The following FAT3 variants were observed in gnomAD, a reference collection of about 807,000 sequenced individuals.
FAT3 encodes the protein protocadherin Fat 3.
FAT3 carries 95 observed loss-of-function variants against 310.2 expected under a neutral mutation model. The observed-to-expected ratio is 0.31, with a 90% CI of 0.26 to 0.36. The LOEUF (loss-of-function observed/expected upper bound fraction) is 0.36. FAT3 is among the 10% of genes least tolerant of loss of function. FAT3 has a pLI of 1.00. For synonymous variants in FAT3, 2,314 were observed against 2,192.9 expected (o/e 1.06, Z -1.54); for missense variants, 5,408 against 5,715.6 (o/e 0.95, Z 1.74).
intron 2 of FAT3, among the ~76,000 whole-genome samples, chr11:92,356,248 G>C (rs1324716492): frequency 6.6e-6 from 1 of 152,110 alleles, no homozygotes; most frequent in Non-Finnish European, 1.5e-5. Context: ...TGTTAGCACT[G>C]TGCATTTTTC....
intron 6 of FAT3, among the ~76,000 whole-genome samples, chr11:92,767,624 A>G (rs867620435): frequency 1.3e-5 from 2 of 151,986 alleles, no homozygotes; most frequent in South Asian, 4.2e-4. Context: ...TCATTCCTGC[A>G]TGTGTGTGTG....
intron 2 of FAT3, among the ~76,000 whole-genome samples, chr11:92,523,753 G>C (rs1953760782): frequency 6.6e-6 from 1 of 152,152 alleles, no homozygotes; most frequent in Admixed American, 6.5e-5. Context: ...ATGGGCTCAT[G>C]ATCCTGTCCC....
chr11:92,440,512 C>G (rs1396936625), intron 2 of FAT3, among the ~76,000 whole-genome samples: 2 of 152,108 alleles, frequency 1.3e-5, no homozygotes, highest in East Asian at 3.9e-4. Flanking sequence ...GCTTCTGTGG[C>G]TAGAATTGCA....
intron 1 of FAT3, among the ~76,000 whole-genome samples, chr11:92,306,698 G>T (rs1394853230): frequency 6.9e-5 from 8 of 115,702 alleles, no homozygotes; most frequent in African/African-American, 2.3e-4. Flanking sequence ...CTTGGAAGAG[G>T]CTCATAAATA....
rs1025785069 is a variant in FAT3, at chr11:92,245,799, A to G, written c.-18+20625A>G. On this transcript the variant is annotated intron_variant, in intron 1 of 27. Transcript: ENST00000525166. ...TTTGGCCAGTGAGCTGTAGTTTGCA[A>G]CCCCTGCTTTAGAGTAAGAAAAGAT... Among the ~76,000 whole-genome samples, 5 of 152,048 alleles carry G rather than the reference A, an allele frequency of 3.3e-5. No homozygotes were observed. In the South Asian group the frequency reaches 1.0e-3, roughly 32 times the overall value.
chr11:92,525,112 G>A (rs190434332), intron 3 of FAT3, among the ~76,000 whole-genome samples, 164 bp downstream of exon 3: 14 of 152,264 alleles, frequency 9.2e-5, no homozygotes, highest in Non-Finnish European at 1.2e-4. Flanking sequence ...TATGTGGTAT[G>A]TTTTAATTTC....
chr11:92,746,987 A>C (rs1203885327), intron 4 of FAT3, among the ~76,000 whole-genome samples: 1 of 152,136 alleles, frequency 6.6e-6, no homozygotes, highest in Non-Finnish European at 1.5e-5. Context: ...TTGTGTCTGC[A>C]GCTTTTCCAG....
intron 22 of FAT3, among the ~76,000 whole-genome samples, chr11:92,873,509 GCGTTTAAGCCATAAC>G (rs1737774987): frequency 6.6e-6 from 1 of 152,206 alleles, no homozygotes; most frequent in Non-Finnish European, 1.5e-5. Flanking sequence ...GCAGGGTAGA[GCGTTTAAGCCATAAC>G]CTGGATGAAT....
chr11:92,650,912 C>T (rs1942352242), intron 3 of FAT3, among the ~76,000 whole-genome samples: 1 of 152,162 alleles, frequency 6.6e-6, no homozygotes, highest in Non-Finnish European at 1.5e-5. Context: ...AACAATCATT[C>T]AGTAATGGAT....
chr11:92,801,890 A>T lies in FAT3; in HGVS notation c.8877A>T (p.Gln2959His). 6.2e-7 allele frequency: 1 copy of T among 1,613,812 alleles called. No individual in the cohort carries two copies. The change falls in exon 10 of 28, where the codon CAA (glutamine) becomes CAT (histidine). Residue 2959 changes from glutamine (Q) to histidine (H), a missense_variant. Physicochemically the swap from Gln to His is conservative, Grantham distance 24. Around this residue, in one of 5 missense-constraint regions of FAT3, gnomAD observed 4,588 missense variants for 4,809.8 expected, o/e 0.95. Coordinates refer to ENST00000525166, the MANE Select transcript of FAT3 (RefSeq NM_001367949.2). ...GAGACACATCCGACGTTAATCGCCA[A>T]GTGAGCTACCATATTACAGGTGAGT... ...WDRDTSDVNR[Q>H]VSYHITGGNP...
intron 19 of FAT3, 77 bp from the exon 20 acceptor site, chr11:92,857,137 G>A: frequency 1.9e-6 from 3 of 1,606,354 alleles, no homozygotes; most frequent in Non-Finnish European, 2.6e-6. Context: ...TGTTCCCTTT[G>A]AACCTTTTCT....
chr11:92,386,421 T>C (rs1322414456), intron 2 of FAT3, among the ~76,000 whole-genome samples: 2 of 152,208 alleles, frequency 1.3e-5, no homozygotes, highest in South Asian at 2.1e-4. Context: ...GAAAAAGACA[T>C]TGAATGAATG....
intron 3 of FAT3, among the ~76,000 whole-genome samples, chr11:92,613,912 C>T (rs568650921): frequency 6.6e-6 from 1 of 152,112 alleles, no homozygotes; most frequent in Admixed American, 6.6e-5. Flanking sequence ...TTCCTTTAAT[C>T]CCCCCAGACT....
At chr11:92,500,502 A>G (rs1004569763) in intron 2 of FAT3, among the ~76,000 whole-genome samples, 1 of 152,060 alleles carries the variant, frequency 6.6e-6, no homozygotes, top group Admixed American at 6.6e-5. Flanking sequence ...GTTTCAAAAT[A>G]GTGACATCTG....
intron 13 of FAT3, among the ~76,000 whole-genome samples, chr11:92,828,462 G>T (rs1353417204): frequency 6.6e-6 from 1 of 151,952 alleles, no homozygotes; most frequent in Non-Finnish European, 1.5e-5. Flanking sequence ...TTTTGTCCTG[G>T]GTCTCCCCCA....
chr11:92,678,241 C>A (rs1301946858), intron 3 of FAT3, among the ~76,000 whole-genome samples: 1 of 152,052 alleles, frequency 6.6e-6, no homozygotes. Context: ...AAAGTTACAC[C>A]CTTTGCACAT....
At chr11:92,522,672 G>A (rs1442872645) in intron 2 of FAT3, among the ~76,000 whole-genome samples, 2 of 152,102 alleles carry the variant, frequency 1.3e-5, no homozygotes, top group African/African-American at 4.8e-5. Context: ...ATTACTTTCT[G>A]ATAAGCTACT....
chr11:92,466,069 T>G (rs1050886555), intron 2 of FAT3, among the ~76,000 whole-genome samples: 2 of 152,160 alleles, frequency 1.3e-5, no homozygotes, highest in Admixed American at 1.3e-4. Context: ...TTGTCCTACC[T>G]TCCAGATGGG....
chr11:92,425,335 A>G (rs533235549), intron 2 of FAT3, among the ~76,000 whole-genome samples: 4 of 152,168 alleles, frequency 2.6e-5, no homozygotes, highest in Admixed American at 2.6e-4. Flanking sequence ...GAAGATCTTC[A>G]CGGAAGGCTG....
Sources: allele counts gnomAD v4.1 joint callset (sites outside exome capture counted in the v4.1 genomes callset), GRCh38; gene constraint gnomAD v4.1.1; regional missense constraint gnomAD v4.1.1; transcripts MANE v1.5; gene names NCBI Gene and HGNC (gene_info 2026-07-23, HGNC 2026-07-21).